Variants in OR10G3 observed in about 807,000 individuals in gnomAD.
OR10G3 encodes the protein olfactory receptor 10G3.
In OR10G3, 8 loss-of-function variants were observed where a neutral mutation model predicts 13.4. The observed-to-expected ratio is 0.60, with a 90% CI of 0.35 to 1.08. The LOEUF (loss-of-function observed/expected upper bound fraction) is 1.08, where lower values mean the gene tolerates loss of function less well. Ranked by LOEUF, OR10G3 falls within the 50% of genes least tolerant of loss-of-function variation. The probability of loss-of-function intolerance (pLI) is 0.02; values close to 1 mark genes in which losing one functional copy is unlikely to be tolerated. For synonymous variants in OR10G3, 142 were observed against 156.1 expected, an observed-to-expected ratio of 0.91 and a Z score of 0.67; for missense variants, 393 against 386.6, an observed-to-expected ratio of 1.02 and a Z score of -0.14.
At chr14:21,573,536 G>T (rs555579975) in intron 1 of OR10G3, among the ~76,000 whole-genome samples, 1 of 151,840 alleles carries the variant, frequency 6.6e-6, no homozygotes, top group Non-Finnish European at 1.5e-5. Context: ...GCCCAGTGTG[G>T]TGGCATGCAC....
intron 1 of OR10G3, among the ~76,000 whole-genome samples, chr14:21,578,366 G>A (rs1337713958): frequency 3.9e-5 from 6 of 151,964 alleles, no homozygotes; most frequent in East Asian, 1.9e-4. Flanking sequence ...ACTTGAGATC[G>A]TGCGATTGCA....
In OR10G3 at chr14:21,572,285, C is replaced by CAAAAA. The variant is rs782404648; in HGVS notation, c.-17-1529_-17-1525dup. On this transcript the variant is annotated intron_variant, in intron 1 of 1. Transcript: ENST00000641040. The stretch of plus-strand genomic sequence containing the variant: ...TGGGCAAAAGAGTGAAACTCCATCT[C>CAAAAA]AAAAAAAAAAAAAAAAAAAAAAAAA... Among the ~76,000 whole-genome samples the CAAAAA allele has an allele frequency of 6.3e-3, 80 of 12,682 alleles. 26 individuals carry two copies. Among genetic ancestry groups the CAAAAA allele is most frequent in the African/African-American group, 0.021 (64 of 2,982 alleles). 8.3% of individuals were successfully genotyped at this position (12,682 alleles called of 152,430 possible). A position where few individuals can be genotyped will look rare whatever the true frequency, so the allele number is the denominator to read the frequency against.
chr14:21,568,932 C>T lies in OR10G3; in HGVS notation c.*871G>A, dbSNP rs189033057. ...TTTCACCGTGGTCTCGATCTCCTGA[C>T]CTCGTGATCCGCTTGCCTCAGCATC... On this transcript the variant is annotated 3_prime_UTR_variant, in exon 2 of 2. Transcript: ENST00000641040. The T allele has an allele frequency of 2.0e-5, 3 of 151,598 alleles. No homozygotes were observed. The highest frequency in any genetic ancestry group is 2.9e-5 in the Non-Finnish European group (2 of 67,958). 9.4% of individuals were successfully genotyped at this position (151,598 alleles called of 1,614,324 possible). A position where few individuals can be genotyped will look rare whatever the true frequency, so the allele number is the denominator to read the frequency against.
chr14:21,574,300 C>T (rs1893103487), intron 1 of OR10G3, among the ~76,000 whole-genome samples: 1 of 37,656 alleles, frequency 2.7e-5, no homozygotes, highest in East Asian at 9.1e-4. Context: ...AAGACTCCAT[C>T]TCAAAAAAAA....
Position 21,570,001 on chromosome 14 carries a change from C to A in OR10G3, c.744G>T (p.Val248=). The part of the protein sequence containing the change: ...AFSTCGAHVT[V]VTVYYVPCAF... ...CACAGGGCACATAGTACACGGTGAC[C>A]ACGGTTACATGGGCTCCACAAGTTG... Residue 248 remains valine (V), a synonymous_variant, in exon 2 of 2, where the codon GTG becomes GTT. Transcript: ENST00000641040. The A allele has an allele frequency of 2.5e-6, 4 of 1,613,992 alleles. No individual in the cohort carries two copies. The highest frequency in any genetic ancestry group is 1.3e-5 in the African/African-American group (1 of 75,000).
intron 1 of OR10G3, among the ~76,000 whole-genome samples, chr14:21,578,070 T>C (rs1364237806): frequency 6.6e-6 from 1 of 151,868 alleles, no homozygotes; most frequent in African/African-American, 2.4e-5. Context: ...TCTTTGAATA[T>C]ATTGATTAAA....
chr14:21,576,202 G>A (rs1181505331), intron 1 of OR10G3, among the ~76,000 whole-genome samples: 1 of 152,196 alleles, frequency 6.6e-6, no homozygotes, highest in Non-Finnish European at 1.5e-5. Flanking sequence ...AGGGAAATCA[G>A]TTCACACTAT....
intron 1 of OR10G3, among the ~76,000 whole-genome samples, chr14:21,573,202 C>A (rs7156509): frequency 6.6e-6 from 1 of 151,816 alleles, no homozygotes; most frequent in African/African-American, 2.4e-5. Flanking sequence ...TATGAATGAA[C>A]CTGGAAGACA....
chr14:21,574,153 A>G (rs1361785307), intron 1 of OR10G3, among the ~76,000 whole-genome samples: 1 of 151,964 alleles, frequency 6.6e-6, no homozygotes, highest in East Asian at 1.9e-4. Context: ...AATACAAAAA[A>G]TTAGTCGGGC....
intron 1 of OR10G3, among the ~76,000 whole-genome samples, chr14:21,575,096 T>A (rs1277154733): frequency 6.6e-6 from 1 of 152,194 alleles, no homozygotes; most frequent in African/African-American, 2.4e-5. Flanking sequence ...TTATTTTGTT[T>A]TTTGAGACAG....
At position 21,577,185 on chromosome 14, in the gene OR10G3, AAGAGAG is replaced by A. The variant is rs111838316; in HGVS notation, c.-18+2595_-18+2600del. On this transcript the variant is annotated intron_variant, in intron 1 of 1. Coordinates refer to ENST00000641040, the MANE Select transcript of OR10G3 (RefSeq NM_001005465.2). ...TTTATTTAAATGCTTTCAAAAATAA[AAGAGAG>A]AGAGAGAGAGAGATACGGAGGGACA... Among the ~76,000 whole-genome samples, 584 of 146,830 alleles carry A rather than the reference AAGAGAG, an allele frequency of 4.0e-3. 1 individual carries two copies. Among genetic ancestry groups the A allele is most frequent in the African/African-American group, 0.015 (558 of 37,774 alleles).
intron 1 of OR10G3, among the ~76,000 whole-genome samples, chr14:21,574,041 C>T (rs934077712): frequency 2.2e-4 from 34 of 152,172 alleles, no homozygotes; most frequent in African/African-American, 8.2e-4. Context: ...CGGTGGCTGA[C>T]GCCTGTAATC....
intron 1 of OR10G3, among the ~76,000 whole-genome samples, chr14:21,578,011 AG>A (rs1876799017): frequency 6.6e-6 from 1 of 151,962 alleles, no homozygotes; most frequent in South Asian, 2.1e-4. Context: ...TCAAAAAAAA[AG>A]AAAAAAGCCT....
In OR10G3 at chr14:21,568,538, A is replaced by G. The variant is rs1257373748; in HGVS notation, c.*1265T>C. On this transcript the variant is annotated 3_prime_UTR_variant, in exon 2 of 2. Transcript: ENST00000641040. ...AAAAATTGCTTTTTAAGAAAATTTT[A>G]TTTCAATAGTTTTTGGAGTACAGGT... 4 of 152,064 alleles carry G rather than the reference A, an allele frequency of 2.6e-5. No homozygotes were observed. Among genetic ancestry groups the G allele is most frequent in the African/African-American group, 9.7e-5 (4 of 41,422 alleles). The allele number at this position is 152,064 out of a possible 1,614,324, so 9.4% of individuals were successfully genotyped here. A position where few individuals can be genotyped will look rare whatever the true frequency, so the allele number is the denominator to read the frequency against.
rs1893042054 is a variant in OR10G3 at position 21,569,836 on chromosome 14, C to T, written c.909G>A (p.Met303Ile). The T allele has an allele frequency of 1.2e-6, 2 of 1,614,064 alleles. No homozygotes were observed. The highest frequency in any genetic ancestry group is 1.3e-5 in the African/African-American group (1 of 74,916). The change falls in exon 2 of 2, where the codon ATG becomes ATA. Residue 303 changes from methionine to isoleucine, a missense_variant. Physicochemically the swap from Met to Ile is conservative, Grantham distance 10 (BLOSUM62 1). Transcript: ENST00000641040. ...CACTCGGAGTTCTTGGGCTTCTGAGCATTCTTTTCAGGGCCAGCTTCACCT... is the reference window on the plus strand; with the variant it reads ...CACTCGGAGTTCTTGGGCTTCTGAGTATTCTTTTCAGGGCCAGCTTCACCT... ...NQEVKLALKR[M>I]LRSPRTPSEV is the part of the protein sequence containing the mutation.
At chr14:21,573,961 T>C (rs1893099427) in intron 1 of OR10G3, among the ~76,000 whole-genome samples, 3 of 152,098 alleles carry the variant, frequency 2.0e-5, no homozygotes, top group Non-Finnish European at 4.4e-5. Context: ...GATGAAAATT[T>C]TTACTGAAAA....
At chr14:21,573,142 A>G (rs1214894535) in intron 1 of OR10G3, among the ~76,000 whole-genome samples, 3 of 152,228 alleles carry the variant, frequency 2.0e-5, no homozygotes, top group African/African-American at 2.4e-5. Context: ...TATATTCAAC[A>G]GAATACTATT....
chr14:21,575,541 C>T lies in OR10G3; in HGVS notation c.-18+4245G>A, dbSNP rs148550396. On this transcript the variant is annotated intron_variant, in intron 1 of 1. Coordinates refer to ENST00000641040, the MANE Select transcript of OR10G3 (RefSeq NM_001005465.2). ...GATTACAGGCATGCGCCACCATGCC[C>T]GGCTAATTTTTGTATTTGTAGTAGA... 2.6e-3 allele frequency among the ~76,000 whole-genome samples: 388 copies of T among 150,946 alleles called. 1 individual carries two copies. Among genetic ancestry groups the T allele is most frequent in the African/African-American group, 8.8e-3 (362 of 41,080 alleles).
At chr14:21,575,830 C>T (rs375609088) in intron 1 of OR10G3, among the ~76,000 whole-genome samples, 2 of 152,194 alleles carry the variant, frequency 1.3e-5, no homozygotes, top group East Asian at 3.9e-4. Flanking sequence ...TCTTTCAAGT[C>T]AATAAAATGC....
Sources: gnomAD v4.1 joint callset for allele counts (sites outside exome capture counted in the v4.1 genomes callset) on GRCh38, gnomAD v4.1.1 for gene constraint, MANE v1.5 for transcripts, NCBI Gene and HGNC (gene_info 2026-07-23, HGNC 2026-07-21) for gene names.